Variants in COPA observed in about 807,000 individuals in gnomAD.
COPA encodes coatomer subunit alpha.
Under a neutral mutation model 158.7 loss-of-function variants are expected in COPA, and 10 were observed. The ratio of observed to expected loss-of-function variants is 0.06; its 90% CI spans 0.04 to 0.11. COPA has a LOEUF of 0.11. Among genes scored for constraint, COPA ranks in the 10% least tolerant of loss-of-function variants. The pLI, the probability that COPA is intolerant of heterozygous loss-of-function variation, is 1.00. For synonymous variants in COPA, 462 were observed against 542.8 expected (o/e 0.85, Z 2.07); for missense variants, 1,065 against 1,536.7 (o/e 0.69, Z 5.13).
chr1:160,295,895 G>A, intron 22 of COPA, 36 bp from the exon 23 acceptor site: 1 of 1,586,522 alleles, frequency 6.3e-7, no homozygotes, highest in Non-Finnish European at 8.6e-7. Context: ...AAAACAAATA[G>A]CACTTGGAAG....
In COPA at chr1:160,313,080, C is replaced by T. The variant is rs1659019850; in HGVS notation, c.925+5G>A. On this transcript the variant is annotated splice_donor_5th_base_variant and intron_variant, in intron 10 of 32. Transcript: ENST00000241704. ...CAAAGAAAAAAGAGAGAAAATGGCC[C>T]TTACCTGCTGCAAAGAGGTTAAGGT... 1 of 1,612,938 alleles carries T rather than the reference C, an allele frequency of 6.2e-7. No homozygotes were observed. The highest frequency in any genetic ancestry group is 1.7e-5 in the Admixed American group (1 of 59,862).
Position 160,325,604 on chromosome 1 carries a change from C to CTCA in COPA, c.542_544dup (p.Val181_Arg182insMet). ...AAATAGATCAACCCCAGTTATTCCTCTCACATCCGATTCCACCGCACCAGG... is the reference window on the plus strand; with the variant it reads ...AAATAGATCAACCCCAGTTATTCCTCTCATCACATCCGATTCCACCGCACCAGG... On this transcript the variant is annotated inframe_insertion, in exon 7 of 33. Transcript: ENST00000241704. 1 of 1,614,216 alleles carries CTCA rather than the reference C, an allele frequency of 6.2e-7. No homozygotes were observed. The highest frequency in any genetic ancestry group is 8.5e-7 in the Non-Finnish European group (1 of 1,180,042).
At position 160,305,514 on chromosome 1, in the gene COPA, C is replaced by T. The variant is rs755234198; in HGVS notation, c.1586G>A (p.Arg529His). The change falls in exon 17 of 33, where the codon CGT becomes CAT. Residue 529 changes from arginine (R) to histidine (H), a missense_variant. Physicochemically the swap from Arg to His is conservative, Grantham distance 29. This residue lies in a region of COPA where 980 missense variants were observed against 1,357.8 expected (regional missense o/e 0.72). Transcript: ENST00000241704. ...CTCATCCCAGGCCCCACTCTTGACA[C>T]GAATGTTCTCATGAATGTTACATAA... ...DALCNIHENIRVKSGAWDESG... is the reference protein window; with the variant it reads ...DALCNIHENIHVKSGAWDESG... The T allele has an allele frequency of 6.8e-6, 11 of 1,613,982 alleles. No homozygotes were observed. The highest frequency in any genetic ancestry group is 1.7e-5 in the Admixed American group (1 of 59,996).
rs1159932988 is a variant in COPA, at chr1:160,296,070, C to T, written c.2343G>A (p.Glu781=). ...GTAAATAAAGACTCACTGTCTCCTT[C>T]TCTGGGTCAAATGTCTCCTTTAGGC... ...AESLKETFDP[E]KETIPDIDPN... The change falls in exon 22 of 33, where the codon GAG becomes GAA. Residue 781 remains glutamate (E), a synonymous_variant. Coordinates refer to ENST00000241704, the MANE Select transcript of COPA (RefSeq NM_004371.4). 6.2e-7 allele frequency: 1 copy of T among 1,614,048 alleles called. No homozygotes were observed. Among genetic ancestry groups the T allele is most frequent in the Non-Finnish European group, 8.5e-7 (1 of 1,179,910 alleles).
intron 8 of COPA, among the ~76,000 whole-genome samples, chr1:160,316,466 A>G (rs6678017): frequency 0.047 from 7,130 of 151,914 alleles, 527 homozygotes; most frequent in African/African-American, 0.16. Context: ...ATTTAAGAAC[A>G]ATTGGCTGGC....
chr1:160,342,144 C>T lies in COPA; in HGVS notation c.40+987G>A, dbSNP rs74123124. On this transcript the variant is annotated intron_variant, in intron 1 of 32. Coordinates refer to ENST00000241704, the MANE Select transcript of COPA (RefSeq NM_004371.4). ...CTCCATATACTTTCTCATTTTAATA[C>T]TCTCTATAAAAGACGATTTTACAGA... Among the ~76,000 whole-genome samples the T allele has an allele frequency of 5.8e-3, 878 of 152,276 alleles. 8 individuals are homozygous for T. The highest frequency in any genetic ancestry group is 0.02 in the African/African-American group (831 of 41,544).
In COPA at chr1:160,305,221, AT is replaced by A. The variant is rs66463106; in HGVS notation, c.1667+211del. The A allele has an allele frequency of 8.9e-3, 4,202 of 471,068 alleles. 91 individuals carry two copies. Among genetic ancestry groups the A allele is most frequent in the African/African-American group, 0.057 (2,903 of 50,772 alleles). 29.2% of individuals were successfully genotyped at this position (471,068 alleles called of 1,614,324 possible). A position where few individuals can be genotyped will look rare whatever the true frequency, so the allele number is the denominator to read the frequency against. On this transcript the variant is annotated intron_variant, in intron 17 of 32. Transcript: ENST00000241704. ...CACTACATAACTTATTTGTTATTCTATTTTTTTTTAATGTAATTGTCTATAT... is the reference window on the plus strand; with the variant it reads ...CACTACATAACTTATTTGTTATTCTATTTTTTTTAATGTAATTGTCTATAT...
At chr1:160,291,613 G>T in intron 30 of COPA, 117 bp from the exon 31 acceptor site, 1 of 1,306,392 alleles carries the variant, frequency 7.7e-7, no homozygotes, top group Non-Finnish European at 1.1e-6. Context: ...GGGCTATAAA[G>T]CTGAGAGGTC....
chr1:160,297,295 A>G, intron 21 of COPA, 48 bp downstream of exon 21: 1 of 1,547,534 alleles, frequency 6.5e-7, no homozygotes, highest in Non-Finnish European at 8.9e-7. Context: ...AAAAACAGAA[A>G]AATACTTCCT....
chr1:160,314,995 G>C (rs1417234025), intron 8 of COPA, among the ~76,000 whole-genome samples: 1 of 152,118 alleles, frequency 6.6e-6, no homozygotes, highest in South Asian at 2.1e-4. Flanking sequence ...ATAGAAGCAA[G>C]CTGGCTTCAC....
At chr1:160,310,149 T>C in intron 12 of COPA, 43 bp downstream of exon 12, 3 of 1,285,468 alleles carry the variant, frequency 2.3e-6, no homozygotes, top group South Asian at 1.5e-5. Context: ...AAGAGACCTA[T>C]GGAAAATGAG....
rs1658922992 is a variant in COPA at position 160,310,326 on chromosome 1, A to AC, written c.1077-69dup. The AC allele has an allele frequency of 3.5e-6, 3 of 863,900 alleles. No homozygotes were observed. In the Admixed American group the frequency reaches 7.1e-5, roughly 21 times the overall value. 53.5% of individuals were successfully genotyped at this position (863,900 alleles called of 1,614,324 possible). On this transcript the variant is annotated intron_variant, in intron 11 of 32. Transcript: ENST00000241704. Reference sequence around the variant, plus strand: ...TAAGAATAGAAGGAAGAAAGGAATCACCCCCACACCTCCTACTTATCCAAT... The same window carrying AC: ...TAAGAATAGAAGGAAGAAAGGAATCACCCCCCACACCTCCTACTTATCCAAT...
intron 29 of COPA, 34 bp from the exon 30 acceptor site, chr1:160,291,963 C>T (rs1484737391): frequency 1.2e-6 from 2 of 1,614,016 alleles, no homozygotes; most frequent in African/African-American, 1.3e-5. Flanking sequence ...GATACAGAGA[C>T]AAGAATGTGG....
intron 21 of COPA, among the ~76,000 whole-genome samples, chr1:160,296,448 T>C (rs1301529838): frequency 6.6e-6 from 1 of 152,198 alleles, no homozygotes; most frequent in Admixed American, 6.5e-5. Flanking sequence ...CAAACTCCTA[T>C]GGAGAGGTCA....
At chr1:160,330,911 C>T (rs559124168) in intron 6 of COPA, among the ~76,000 whole-genome samples, 21 of 152,044 alleles carry the variant, frequency 1.4e-4, no homozygotes, top group East Asian at 7.7e-4. Flanking sequence ...TGGTGGCTCG[C>T]GCCTATAATC....
At position 160,313,183 on chromosome 1, in the gene COPA, A is replaced by G. The variant is rs1302202138; in HGVS notation, c.843-16T>C. On this transcript the variant is annotated splice_polypyrimidine_tract_variant and intron_variant, in intron 9 of 32. Coordinates refer to ENST00000241704, the MANE Select transcript of COPA (RefSeq NM_004371.4). Reference sequence around the variant, plus strand: ...AACCCCAGTCCTAGAAAAGGTACACAAAAAGAAAAACATTAATTTCCTAGG... The same window carrying G: ...AACCCCAGTCCTAGAAAAGGTACACGAAAAGAAAAACATTAATTTCCTAGG... The G allele has an allele frequency of 5.6e-6, 9 of 1,609,704 alleles. No homozygotes were observed. The highest frequency in any genetic ancestry group is 1.6e-4 in the Middle Eastern group (1 of 6,076).
intron 6 of COPA, among the ~76,000 whole-genome samples, chr1:160,328,180 T>C (rs1647345922): frequency 6.6e-6 from 1 of 152,234 alleles, no homozygotes; most frequent in Non-Finnish European, 1.5e-5. Context: ...CTTATTTCAC[T>C]TGTCCCTTTA....
Position 160,291,404 on chromosome 1 carries a change from G to A in COPA, c.3351C>T (p.Asn1117=). Residue 1117 remains asparagine (N), a synonymous_variant, in exon 31 of 33, where the codon AAC becomes AAT. Coordinates refer to ENST00000241704, the MANE Select transcript of COPA (RefSeq NM_004371.4). ...TALNLFFKLK[N]FKTAATFARR... Reference sequence around the variant, plus strand: ...GAGCAAAGGTGGCAGCTGTCTTGAAGTTCTTGAGCTTGAAGAACAGATTGA... The same window carrying A: ...GAGCAAAGGTGGCAGCTGTCTTGAAATTCTTGAGCTTGAAGAACAGATTGA... The A allele has an allele frequency of 6.2e-7, 1 of 1,614,156 alleles. No homozygotes were observed. The highest frequency in any genetic ancestry group is 1.1e-5 in the South Asian group (1 of 91,082).
Position 160,340,244 on chromosome 1 carries a change from C to T in COPA, c.91G>A (p.Gly31Arg). 1 of 1,613,774 alleles carries T rather than the reference C, an allele frequency of 6.2e-7. No individual in the cohort carries two copies. The highest frequency in any genetic ancestry group is 8.5e-7 in the Non-Finnish European group (1 of 1,179,948). The change falls in exon 2 of 33, where the codon GGG becomes AGG. Residue 31 changes from glycine (G) to arginine (R), a missense_variant. Physicochemically the swap from Gly to Arg is moderately radical, Grantham distance 125. Around this residue, in one of 2 missense-constraint regions of COPA, gnomAD observed 85 missense variants for 178.9 expected, o/e 0.48. Coordinates refer to ENST00000241704, the MANE Select transcript of COPA (RefSeq NM_004371.4). ...RPWILTSLHN[G>R]VIQLWDYRMC... Reference sequence around the variant, plus strand: ...CGATAGTCCCATAACTGGATGACCCCATTATGTAAACTAGTCAGGATCCAA... The same window carrying T: ...CGATAGTCCCATAACTGGATGACCCTATTATGTAAACTAGTCAGGATCCAA...
Sources: gnomAD v4.1 joint callset for allele counts (sites outside exome capture counted in the v4.1 genomes callset) on GRCh38, gnomAD v4.1.1 for gene constraint, gnomAD v4.1.1 regional missense constraint, MANE v1.5 for transcripts, NCBI Gene and HGNC (gene_info 2026-07-23, HGNC 2026-07-21) for gene names.